Variants in CD36 observed in about 807,000 individuals in gnomAD.
CD36 encodes the protein platelet glycoprotein 4.
A neutral mutation model predicts 55.2 loss-of-function variants in CD36; 119 were observed. The ratio of observed to expected loss-of-function variants is 2.15; its 90% CI spans 1.86 to 2.51. The LOEUF is 2.51. CD36 is among the 30% of genes most tolerant of loss of function. The pLI is 0.00. For synonymous variants in CD36, 186 were observed against 193.6 expected (o/e 0.96, Z 0.33); for missense variants, 819 against 555.5 (o/e 1.47, Z -4.77).
At chr7:80,628,140 T>C (rs1793854709) in intron 1 of CD36, among the ~76,000 whole-genome samples, 1 of 152,050 alleles carries the variant, frequency 6.6e-6, no homozygotes, top group African/African-American at 2.4e-5. Flanking sequence ...CAAAAGTATT[T>C]AACATATACA....
At chr7:80,674,346 A>G in intron 14 of CD36, 199 bp downstream of exon 14, 1 of 532,704 alleles carries the variant, frequency 1.9e-6, no homozygotes, top group Admixed American at 3.2e-5. Context: ...TTCTGGGAGA[A>G]ATGAGATAAA....
chr7:80,674,509 G>T, intron 14 of CD36: 1 of 252,198 alleles, frequency 4.0e-6, no homozygotes, highest in East Asian at 1.1e-4. Flanking sequence ...CATAAGACCA[G>T]GATTGCTGCA....
chr7:80,673,761 G>A lies in CD36; in HGVS notation c.1255-222G>A, dbSNP rs556627278. On this transcript the variant is annotated intron_variant, in intron 13 of 14. Coordinates refer to ENST00000447544, the MANE Select transcript of CD36 (RefSeq NM_001001548.3). Reference sequence around the variant, plus strand: ...AAATGAAACTGTTGACCCTTTGATAGTTCTGAAGAGCAAATGAATCCTAGT... The same window carrying A: ...AAATGAAACTGTTGACCCTTTGATAATTCTGAAGAGCAAATGAATCCTAGT... 1.0e-4 allele frequency: 59 copies of A among 588,778 alleles called. No individual in the cohort carries two copies. In the South Asian group the frequency reaches 1.2e-3, roughly 12 times the overall value. The allele number at this position is 588,778 out of a possible 1,614,324, so 36.5% of individuals were successfully genotyped here. A position where few individuals can be genotyped will look rare whatever the true frequency, so the allele number is the denominator to read the frequency against.
chr7:80,664,193 T>C (rs1455722238), intron 6 of CD36, among the ~76,000 whole-genome samples: 1 of 152,146 alleles, frequency 6.6e-6, no homozygotes, highest in African/African-American at 2.4e-5. Context: ...TCATGTCAGC[T>C]TCTGATATGT....
chr7:80,666,550 C>CGTT (rs1205682776), intron 8 of CD36, 61 bp downstream of exon 8: 6 of 1,225,780 alleles, frequency 4.9e-6, no homozygotes, highest in Admixed American at 3.4e-5. Flanking sequence ...ACAAATCCAC[C>CGTT]GTTGTACTGA....
intron 1 of CD36, among the ~76,000 whole-genome samples, chr7:80,618,437 C>T (rs533749366): frequency 6.6e-6 from 1 of 152,136 alleles, no homozygotes; most frequent in African/African-American, 2.4e-5. Flanking sequence ...AATAAAAAAA[C>T]TAGAAGTGAT....
At chr7:80,675,762 G>A (rs1798139217) in intron 14 of CD36, among the ~76,000 whole-genome samples, 1 of 152,126 alleles carries the variant, frequency 6.6e-6, no homozygotes. Context: ...AAGAAGACAG[G>A]TATGTAAGAA....
chr7:80,612,641 A>G (rs1343388972), intron 1 of CD36, among the ~76,000 whole-genome samples: 2 of 152,196 alleles, frequency 1.3e-5, no homozygotes, highest in Non-Finnish European at 1.5e-5. Context: ...TAGATATTCC[A>G]GATACCACCT....
At chr7:80,612,111 G>C (rs1252951355) in intron 1 of CD36, among the ~76,000 whole-genome samples, 4 of 152,174 alleles carry the variant, frequency 2.6e-5, no homozygotes, top group Admixed American at 2.6e-4. Context: ...TCTCTTTACA[G>C]TACAAAGTTC....
intron 1 of CD36, among the ~76,000 whole-genome samples, chr7:80,604,271 T>A (rs1281992275): frequency 6.8e-6 from 1 of 147,122 alleles, no homozygotes; most frequent in African/African-American, 2.5e-5. Context: ...GTGCAATGAA[T>A]ATAAAAAGAA....
At chr7:80,656,007 C>A (rs1796025928) in intron 3 of CD36, among the ~76,000 whole-genome samples, 2 of 151,610 alleles carry the variant, frequency 1.3e-5, no homozygotes, top group African/African-American at 4.8e-5. Context: ...AATTTGTGTT[C>A]TTCATGTAGA....
In CD36 at chr7:80,672,776, G is replaced by A. The variant is rs1378994947; in HGVS notation, c.1132G>A (p.Gly378Arg). ...RTYLDIEPIT[G>R]FTLQFAKRLQ... ...TTAGTTGTTCTCTTTTTAGATAACTGGATTCACTTTACAATTTGCAAAACG... is the reference window on the plus strand; with the variant it reads ...TTAGTTGTTCTCTTTTTAGATAACTAGATTCACTTTACAATTTGCAAAACG... Residue 378 changes from glycine (G) to arginine (R), a missense_variant, in exon 12 of 15, where the codon GGA (glycine) becomes AGA (arginine). By Grantham distance (125) the Gly-to-Arg change is moderately radical (BLOSUM62 -2). Coordinates refer to ENST00000447544, the MANE Select transcript of CD36 (RefSeq NM_001001548.3). 1 of 1,605,804 alleles carries A rather than the reference G, an allele frequency of 6.2e-7. No homozygotes were observed. The highest frequency in any genetic ancestry group is 2.2e-5 in the East Asian group (1 of 44,598).
intron 1 of CD36, among the ~76,000 whole-genome samples, chr7:80,616,451 C>A (rs866510789): frequency 1.8e-5 from 2 of 108,288 alleles, no homozygotes; most frequent in East Asian, 7.3e-4. Flanking sequence ...GTGTGTGTGC[C>A]TGCACGCACA....
intron 4 of CD36, among the ~76,000 whole-genome samples, chr7:80,660,231 C>A (rs3211888): frequency 0.017 from 2,568 of 152,138 alleles, 73 homozygotes; most frequent in African/African-American, 0.058. Flanking sequence ...TCACCGCGTT[C>A]CTAAAATGTA....
At chr7:80,646,339 G>A (rs1197106528) in intron 2 of CD36, 158 bp downstream of exon 2, 11 of 257,330 alleles carry the variant, frequency 4.3e-5, no homozygotes, top group Admixed American at 5.0e-5. Context: ...AAGTTGCTGA[G>A]ACAAGGGAAG....
At chr7:80,664,812 T>TATAATTATTCTTACAATTAGATAACC in intron 7 of CD36, among the ~76,000 whole-genome samples, 1 of 149,154 alleles carries the variant, frequency 6.7e-6, no homozygotes, top group South Asian at 2.1e-4. Flanking sequence ...AGCATTACAG[T>TATAATTATTCTTACAATTAGATAACC]ATAATTATTC....
chr7:80,632,821 C>G (rs118031984), intron 1 of CD36, among the ~76,000 whole-genome samples: 4,368 of 152,002 alleles, frequency 0.029, 90 homozygotes, highest in Non-Finnish European at 0.045. Context: ...ACTTTAGGGA[C>G]CACCTTTTTA....
upstream of CD36, among the ~76,000 whole-genome samples, chr7:80,638,071 TAAG>T (rs540684934): frequency 2.0e-4 from 31 of 152,152 alleles, no homozygotes; most frequent in South Asian, 6.4e-3. Flanking sequence ...GATAAACAGT[TAAG>T]AACTTCCAGC....
intron 3 of CD36, chr7:80,647,257 A>ATT (rs1795237292): frequency 7.4e-5 from 15 of 201,672 alleles, no homozygotes; most frequent in African/African-American, 4.2e-4. Flanking sequence ...GAAAAGTAAA[A>ATT]CTGTGTGTGT....
Sources: allele counts gnomAD v4.1 joint callset (sites outside exome capture counted in the v4.1 genomes callset), GRCh38; gene constraint gnomAD v4.1.1; transcripts MANE v1.5; gene names NCBI Gene and HGNC (gene_info 2026-07-23, HGNC 2026-07-21).